Variants in CALCA observed in about 807,000 individuals in gnomAD.
The protein encoded by CALCA is calcitonin related polypeptide alpha.
A neutral mutation model predicts 6.9 loss-of-function variants in CALCA; 4 were observed. That is an observed-to-expected ratio of 0.58 (90% confidence interval 0.29 to 1.33). The LOEUF (loss-of-function observed/expected upper bound fraction) is 1.33, where lower values mean the gene tolerates loss of function less well. Among genes scored for constraint, CALCA ranks in the 40% most tolerant of loss-of-function variants. The probability of loss-of-function intolerance (pLI) is 0.09; values close to 1 mark genes in which losing one functional copy is unlikely to be tolerated. For synonymous variants in CALCA, 78 were observed against 70.0 expected, an observed-to-expected ratio of 1.11 and a Z score of -0.57; for missense variants, 174 against 178.3, an observed-to-expected ratio of 0.98 and a Z score of 0.14.
downstream of CALCA, chr11:14,967,537 G>C: frequency 1.0e-6 from 1 of 955,296 alleles, no homozygotes; most frequent in Non-Finnish European, 1.6e-6. Flanking sequence ...TTAGCTACTG[G>C]AACTCAGATA....
Position 14,968,934 on chromosome 11 carries a change from C to A in CALCA, c.291G>T (p.Thr97=). 1 of 1,614,050 alleles carries A rather than the reference C, an allele frequency of 6.2e-7. No individual in the cohort carries two copies. Among genetic ancestry groups the A allele is most frequent in the Non-Finnish European group, 8.5e-7 (1 of 1,180,034 alleles). The change falls in exon 4 of 4, where the codon ACG becomes ACT. Residue 97 remains threonine (T), a synonymous_variant. Coordinates refer to ENST00000331587, the MANE Select transcript of CALCA (RefSeq NM_001741.3). ...NLSTCMLGTY[T]QDFNKFHTFP... is the part of the protein sequence containing the mutation. ...ACGTGTGAAACTTGTTGAAGTCCTGCGTGTATGTGCCCAGCATGCAAGTAC... is the reference window on the plus strand; with the variant it reads ...ACGTGTGAAACTTGTTGAAGTCCTGAGTGTATGTGCCCAGCATGCAAGTAC...
chr11:14,971,296 T>C, intron 1 of CALCA, 95 bp from the exon 2 acceptor site: 1 of 834,558 alleles, frequency 1.2e-6, no homozygotes, highest in Non-Finnish European at 2.1e-6. Flanking sequence ...GTCTTGCTTC[T>C]AACGCTCTGG....
rs1393396499 is a variant in CALCA, at chr11:14,969,976, C to T, written c.186G>A (p.Lys62=). 8 of 1,613,924 alleles carry T rather than the reference C, an allele frequency of 5.0e-6. No homozygotes were observed. In the African/African-American group the frequency reaches 6.7e-5, roughly 13 times the overall value. Residue 62 remains lysine, a synonymous_variant, in exon 3 of 4, where the codon AAG becomes AAA. Coordinates refer to ENST00000331587, the MANE Select transcript of CALCA (RefSeq NM_001741.3). Reference sequence around the variant, plus strand: ...CTTGCTCCTGCTCCAGCTCACTGGCCTTCATCTGCACATAGTCCTGCACCA... The same window carrying T: ...CTTGCTCCTGCTCCAGCTCACTGGCTTTCATCTGCACATAGTCCTGCACCA... ...AALVQDYVQM[K]ASELEQEQER...
chr11:14,971,186 A>G lies in CALCA; in HGVS notation c.7T>C (p.Phe3Leu). 1 of 1,613,778 alleles carries G rather than the reference A, an allele frequency of 6.2e-7. No homozygotes were observed. The highest frequency in any genetic ancestry group is 8.5e-7 in the Non-Finnish European group (1 of 1,179,694). The change falls in exon 2 of 4, where the codon TTC (phenylalanine) becomes CTC (leucine). Residue 3 changes from phenylalanine (F) to leucine (L), a missense_variant. Transcript: ENST00000331587. ...GCCAGGAAGGGGGAGAACTTTTGGA[A>G]GCCCATGACACCTCTCTGCAAGGGA... MG[F>L]QKFSPFLALS...
At chr11:14,969,313 A>G (rs1273489981) in intron 3 of CALCA, among the ~76,000 whole-genome samples, 1 of 152,100 alleles carries the variant, frequency 6.6e-6, no homozygotes, top group Non-Finnish European at 1.5e-5. Context: ...GGGCCAGGCC[A>G]GGGGCTGGTC....
chr11:14,970,930 A>G (rs1555026369), intron 2 of CALCA, among the ~76,000 whole-genome samples, 177 bp downstream of exon 2: 1 of 152,204 alleles, frequency 6.6e-6, no homozygotes, highest in African/African-American at 2.4e-5. Context: ...TATTGTCTAA[A>G]TATTTATCAC....
chr11:14,969,925 G>A lies in CALCA; in HGVS notation c.227+10C>T. ...AGGAGGCCCTGTGCTGAGCGCTTGG[G>A]GAGCCTCACCTGGAGCCCTCTCTCT... On this transcript the variant is annotated intron_variant, in intron 3 of 3. Transcript: ENST00000331587. The A allele has an allele frequency of 6.2e-7, 1 of 1,612,508 alleles. No individual in the cohort carries two copies. The highest frequency in any genetic ancestry group is 8.5e-7 in the Non-Finnish European group (1 of 1,180,010).
chr11:14,967,524 G>T, downstream of CALCA: 1 of 847,032 alleles, frequency 1.2e-6, no homozygotes, highest in Non-Finnish European at 1.8e-6. Context: ...AAATTCTAGG[G>T]TCTTAGCTAC....
chr11:14,968,882 C>A lies in CALCA; in HGVS notation c.343G>T (p.Ala115Ser). 6.2e-7 allele frequency: 1 copy of A among 1,614,174 alleles called. No individual in the cohort carries two copies. The highest frequency in any genetic ancestry group is 8.5e-7 in the Non-Finnish European group (1 of 1,180,030). Residue 115 changes from alanine to serine, a missense_variant, in exon 4 of 4, where the codon GCA becomes TCA. By Grantham distance (99) the Ala-to-Ser change is moderately conservative. Transcript: ENST00000331587. ...TFPQTAIGVG[A>S]PGKKRDMSSD... ...GACATATCCCTTTTCTTTCCAGGTG[C>A]TCCAACCCCAATTGCAGTTTGGGGG...
At chr11:14,967,406 C>A (rs1203113381), downstream of CALCA, among the ~76,000 whole-genome samples, 4 of 152,078 alleles carry the variant, frequency 2.6e-5, no homozygotes, top group Admixed American at 6.6e-5. Flanking sequence ...CTAGAATAAT[C>A]AAAATTATAA....
chr11:14,971,240 C>G (rs782271790), intron 1 of CALCA, 39 bp from the exon 2 acceptor site: 2 of 1,460,182 alleles, frequency 1.4e-6, no homozygotes. Context: ...TGCGCCAGTT[C>G]GAAGTTCTAG....
chr11:14,972,058 A>G (rs7110615), intron 1 of CALCA, among the ~76,000 whole-genome samples, 187 bp downstream of exon 1: 2,138 of 152,274 alleles, frequency 0.014, 48 homozygotes, highest in African/African-American at 0.049. Context: ...AGGAAGAGCG[A>G]GCCGGGGGAT....
In CALCA at chr11:14,970,078, G is replaced by A; in HGVS notation, c.87-3C>T. On this transcript the variant is annotated splice_region_variant and splice_polypyrimidine_tract_variant and intron_variant, in intron 2 of 3. Transcript: ENST00000331587. ...CTGGGCTGCTCTCCAGGGCAGACCTGTGGAGGGGAAGCAAACTCAGTGCAG... is the reference window on the plus strand; with the variant it reads ...CTGGGCTGCTCTCCAGGGCAGACCTATGGAGGGGAAGCAAACTCAGTGCAG... 1 of 1,614,190 alleles carries A rather than the reference G, an allele frequency of 6.2e-7. No individual in the cohort carries two copies. Among genetic ancestry groups the A allele is most frequent in the Non-Finnish European group, 8.5e-7 (1 of 1,180,022 alleles).
downstream of CALCA, chr11:14,967,788 C>T (rs782303355): frequency 1.2e-6 from 2 of 1,614,244 alleles, no homozygotes; most frequent in Non-Finnish European, 1.7e-6. Flanking sequence ...CTGATCTGCT[C>T]AGCAAGCCTG....
downstream of CALCA, chr11:14,968,024 G>A: frequency 1.3e-6 from 1 of 783,990 alleles, no homozygotes; most frequent in Non-Finnish European, 2.1e-6. Context: ...GGCCATTAGG[G>A]AAAATGCCAT....
chr11:14,967,856 T>G (rs782660584), downstream of CALCA: 1 of 1,614,242 alleles, frequency 6.2e-7, no homozygotes, highest in Non-Finnish European at 8.5e-7. Context: ...GCAATGATTC[T>G]GATTTGCAGG....
At chr11:14,967,915 A>G, downstream of CALCA, 1 of 1,598,240 alleles carries the variant, frequency 6.3e-7, no homozygotes. Context: ...GAGAGAGGTC[A>G]GCCCCATGGG....
At chr11:14,969,841 T>G in intron 3 of CALCA, 94 bp downstream of exon 3, 1 of 1,586,166 alleles carries the variant, frequency 6.3e-7, no homozygotes, top group Non-Finnish European at 8.6e-7. Context: ...GTTGGATTCC[T>G]GGCCAGTGTG....
At chr11:14,969,585 A>G (rs1555025999) in intron 3 of CALCA, among the ~76,000 whole-genome samples, 1 of 152,148 alleles carries the variant, frequency 6.6e-6, no homozygotes, top group Non-Finnish European at 1.5e-5. Flanking sequence ...CCTGAGATGT[A>G]CTATGTGTAT....
Sources: allele counts gnomAD v4.1 joint callset (sites outside exome capture counted in the v4.1 genomes callset), GRCh38; gene constraint gnomAD v4.1.1; transcripts MANE v1.5; gene names NCBI Gene and HGNC (gene_info 2026-07-23, HGNC 2026-07-21).